Variants in ERC2 observed in about 807,000 individuals in gnomAD.
ERC2 encodes ERC protein 2.
Under a neutral mutation model 114.8 loss-of-function variants are expected in ERC2, and 42 were observed. The ratio of observed to expected loss-of-function variants is 0.37; its 90% CI spans 0.29 to 0.47. The LOEUF is 0.47. Ranked by LOEUF, ERC2 falls within the 20% of genes least tolerant of loss-of-function variation. ERC2 has a pLI of 0.99. For missense variants in ERC2, 939 were observed against 1,150.7 expected (o/e 0.82, Z 2.66); for synonymous variants, 454 against 425.5 (o/e 1.07, Z -0.82).
chr3:56,023,774 T>TGAAGGAAGGAAAGAAGGAAG (rs2073873138), intron 7 of ERC2, among the ~76,000 whole-genome samples: 1 of 131,772 alleles, frequency 7.6e-6, no homozygotes, highest in Non-Finnish European at 1.6e-5. Flanking sequence ...AAAAAAGGAA[T>TGAAGGAAGGAAAGAAGGAAG]GAAGGAAGGA....
intron 13 of ERC2, among the ~76,000 whole-genome samples, chr3:55,916,402 A>G (rs761390606): frequency 1.2e-4 from 19 of 152,182 alleles, no homozygotes; most frequent in Non-Finnish European, 1.3e-4. Context: ...CAATTCCAGG[A>G]CACTAAGCAA....
At chr3:56,366,009 C>G (rs892747419) in intron 2 of ERC2, among the ~76,000 whole-genome samples, 2 of 152,180 alleles carry the variant, frequency 1.3e-5, no homozygotes, top group African/African-American at 4.8e-5. Context: ...TCTGCAGCAA[C>G]CAGCCTGGGA....
intron 2 of ERC2, among the ~76,000 whole-genome samples, chr3:56,313,646 G>A (rs2056728912): frequency 6.6e-6 from 1 of 152,180 alleles, no homozygotes; most frequent in African/African-American, 2.4e-5. Context: ...ATGAATCTCT[G>A]TGAGAAGCTT....
chr3:56,386,244 A>G (rs879819640), intron 2 of ERC2, among the ~76,000 whole-genome samples: 10 of 152,174 alleles, frequency 6.6e-5, no homozygotes, highest in Non-Finnish European at 1.5e-4. Flanking sequence ...CAGTGACAGC[A>G]AAAAACAAGA....
intron 16 of ERC2, among the ~76,000 whole-genome samples, chr3:55,686,901 T>C (rs2062363280): frequency 6.6e-6 from 1 of 152,198 alleles, no homozygotes; most frequent in African/African-American, 2.4e-5. Context: ...CTGCATGCTT[T>C]TGTTCATCTG....
At chr3:56,061,359 G>C (rs1453678818) in intron 7 of ERC2, among the ~76,000 whole-genome samples, 1 of 152,104 alleles carries the variant, frequency 6.6e-6, no homozygotes, top group Middle Eastern at 3.2e-3. Context: ...TTTCGAATGT[G>C]ATTTTCTACC....
intron 7 of ERC2, among the ~76,000 whole-genome samples, chr3:56,031,006 C>T (rs1338692807): frequency 6.6e-6 from 1 of 151,908 alleles, no homozygotes; most frequent in Non-Finnish European, 1.5e-5. Flanking sequence ...GGCCCCTGAG[C>T]AGTCAGATTC....
intron 3 of ERC2, among the ~76,000 whole-genome samples, chr3:56,229,862 CTTTTTTTTTT>C (rs34357962): frequency 1.8e-5 from 1 of 56,628 alleles, no homozygotes; most frequent in African/African-American, 6.9e-5. Flanking sequence ...AATATCTAGT[CTTTTTTTTTT>C]TTTTTTTTTT....
At chr3:55,733,023 A>C (rs1462199282) in intron 15 of ERC2, among the ~76,000 whole-genome samples, 1 of 152,112 alleles carries the variant, frequency 6.6e-6, no homozygotes. Flanking sequence ...TCGTAGCTGG[A>C]CCAGTGGTAC....
At chr3:55,966,952 C>T (rs1403667476) in intron 12 of ERC2, among the ~76,000 whole-genome samples, 1 of 152,172 alleles carries the variant, frequency 6.6e-6, no homozygotes, top group Non-Finnish European at 1.5e-5. Flanking sequence ...TTATTTCACA[C>T]ACACATATCC....
chr3:56,256,042 A>G (rs1227219086), intron 3 of ERC2, among the ~76,000 whole-genome samples: 1 of 152,236 alleles, frequency 6.6e-6, no homozygotes, highest in African/African-American at 2.4e-5. Flanking sequence ...CTACAAGGAC[A>G]AGAAAAATCA....
At chr3:55,829,522 T>C (rs2060478809) in intron 14 of ERC2, among the ~76,000 whole-genome samples, 1 of 152,050 alleles carries the variant, frequency 6.6e-6, no homozygotes, top group East Asian at 1.9e-4. Flanking sequence ...AATATCAAAA[T>C]ATATTTTTTC....
intron 2 of ERC2, among the ~76,000 whole-genome samples, chr3:56,418,922 T>C (rs139892874): frequency 1.0e-3 from 153 of 152,316 alleles, no homozygotes; most frequent in Non-Finnish European, 1.8e-3. Context: ...GTCACATCAA[T>C]GGCTCTTCCA....
chr3:55,583,254 A>G (rs996312788), intron 17 of ERC2, among the ~76,000 whole-genome samples: 1 of 152,164 alleles, frequency 6.6e-6, no homozygotes, highest in African/African-American at 2.4e-5. Flanking sequence ...TCTGTGCATT[A>G]GTGAATATCA....
In ERC2 at chr3:56,280,979, A is replaced by G. The variant is rs1004771950; in HGVS notation, c.1074+15040T>C. Among the ~76,000 whole-genome samples the G allele has an allele frequency of 5.3e-5, 8 of 152,244 alleles. 1 individual carries two copies. Among genetic ancestry groups the G allele is most frequent in the African/African-American group, 1.7e-4 (7 of 41,470 alleles). ...TGCCCAACACAAAGTTAAGTGCTCA[A>G]TAAAGGGGAGCTAAGTAAGAACAGC... On this transcript the variant is annotated intron_variant, in intron 3 of 17. Transcript: ENST00000288221.
In ERC2 at chr3:55,844,258, G is replaced by A. The variant is rs79340925; in HGVS notation, c.2564+44131C>T. Reference sequence around the variant, plus strand: ...AATGTTCATCAAAACACAGTTAGTAGAATGTCACAGCAACACTATTCATAA... The same window carrying A: ...AATGTTCATCAAAACACAGTTAGTAAAATGTCACAGCAACACTATTCATAA... On this transcript the variant is annotated intron_variant, in intron 14 of 17. Transcript: ENST00000288221. Among the ~76,000 whole-genome samples the A allele has an allele frequency of 1.5e-3, 233 of 152,216 alleles. 4 individuals are homozygous for A. The highest frequency in any genetic ancestry group is 0.01 in the Admixed American group (156 of 15,296).
At chr3:56,051,774 C>T (rs1193464046) in intron 7 of ERC2, among the ~76,000 whole-genome samples, 2 of 150,072 alleles carry the variant, frequency 1.3e-5, no homozygotes, top group Non-Finnish European at 3.0e-5. Context: ...TGCAGTGAGC[C>T]GAGATCGCGC....
At chr3:55,715,430 T>C (rs943704145) in intron 15 of ERC2, among the ~76,000 whole-genome samples, 14 of 152,136 alleles carry the variant, frequency 9.2e-5, no homozygotes, top group African/African-American at 3.4e-4. Context: ...GATGCAACAA[T>C]GTATAGGCTA....
intron 14 of ERC2, among the ~76,000 whole-genome samples, chr3:55,851,273 C>T (rs1000315743): frequency 7.9e-5 from 12 of 152,114 alleles, no homozygotes; most frequent in African/African-American, 2.7e-4. Flanking sequence ...CAGGCTCCTA[C>T]GTGGCCTCCC....
Sources: allele counts gnomAD v4.1 joint callset (sites outside exome capture counted in the v4.1 genomes callset), GRCh38; gene constraint gnomAD v4.1.1; transcripts MANE v1.5; gene names NCBI Gene and HGNC (gene_info 2026-07-23, HGNC 2026-07-21).